SRD5A2: variants seen among roughly 807,000 people sequenced by gnomAD.
SRD5A2 encodes steroid 5 alpha-reductase 2, also known as 3-oxo-5-alpha-steroid 4-dehydrogenase 2.
A neutral mutation model predicts 27.4 loss-of-function variants in SRD5A2; 30 were observed. That is an observed-to-expected ratio of 1.10 (90% CI 0.82 to 1.49). The LOEUF is 1.49. Ranked by LOEUF, SRD5A2 falls within the 40% of genes most tolerant of loss-of-function variation. The probability of loss-of-function intolerance (pLI) is 0.00; values close to 1 mark genes in which losing one functional copy is unlikely to be tolerated. For missense variants in SRD5A2, 348 were observed against 323.4 expected (o/e 1.08, Z -0.58); for synonymous variants, 141 against 133.6 (o/e 1.06, Z -0.38).
chr2:31,650,496 C>T, the SRD5A2 span, among the ~76,000 whole-genome samples: 1 of 152,168 alleles, frequency 6.6e-6, no homozygotes, highest in South Asian at 2.1e-4. Flanking sequence ...ATCCTTTCCT[C>T]CTCTAGATAG....
the SRD5A2 span, among the ~76,000 whole-genome samples, chr2:31,600,038 G>A: frequency 6.6e-6 from 1 of 151,884 alleles, no homozygotes; most frequent in African/African-American, 2.4e-5. Context: ...ATGTGTTCAT[G>A]TGTTCTCATC....
At chr2:31,582,289 A>C (rs949795924), upstream of SRD5A2, among the ~76,000 whole-genome samples, 2 of 152,094 alleles carry the variant, frequency 1.3e-5, no homozygotes, top group Non-Finnish European at 2.9e-5. Flanking sequence ...AGCTGGTCCA[A>C]TGACAGACAC....
At chr2:31,580,981 G>T, upstream of SRD5A2, 1 of 1,438,282 alleles carries the variant, frequency 7.0e-7, no homozygotes. Flanking sequence ...AGCGCCAGAC[G>T]CCACCCGTGT....
chr2:31,608,086 C>A, the SRD5A2 span, among the ~76,000 whole-genome samples: 1 of 152,010 alleles, frequency 6.6e-6, no homozygotes, highest in African/African-American at 2.4e-5. Flanking sequence ...GCTGTTTAAG[C>A]TGACCAGCCT....
chr2:31,534,880 C>A (rs899734456), intron 1 of SRD5A2, among the ~76,000 whole-genome samples: 2 of 152,106 alleles, frequency 1.3e-5, no homozygotes, highest in African/African-American at 4.8e-5. Flanking sequence ...TTTTTTTTAC[C>A]TGGATCATAT....
At chr2:31,580,122 C>T (rs1011967121) in intron 1 of SRD5A2, among the ~76,000 whole-genome samples, 2 of 152,202 alleles carry the variant, frequency 1.3e-5, no homozygotes, top group African/African-American at 4.8e-5. Context: ...AACCTCTGAG[C>T]TGAGTTTCCC....
intron 1 of SRD5A2, among the ~76,000 whole-genome samples, chr2:31,570,153 G>C (rs1389286561): frequency 6.6e-6 from 1 of 151,930 alleles, no homozygotes; most frequent in Non-Finnish European, 1.5e-5. Context: ...AACTTAATCT[G>C]GTAGGACATC....
At chr2:31,541,552 C>T (rs1047448560) in intron 1 of SRD5A2, among the ~76,000 whole-genome samples, 3 of 152,194 alleles carry the variant, frequency 2.0e-5, no homozygotes, top group African/African-American at 7.2e-5. Context: ...AACAATGATC[C>T]CCACTGCAGA....
chr2:31,586,213 G>A, the SRD5A2 span, among the ~76,000 whole-genome samples: 4 of 151,590 alleles, frequency 2.6e-5, no homozygotes, highest in East Asian at 1.9e-4. Flanking sequence ...ACTTTCCCCC[G>A]AGTCCCCCCA....
chr2:31,535,654 C>T (rs887020859), intron 1 of SRD5A2, among the ~76,000 whole-genome samples: 3 of 152,176 alleles, frequency 2.0e-5, no homozygotes, highest in Non-Finnish European at 2.9e-5. Flanking sequence ...TCTACTATGT[C>T]GTCTGCAGAA....
At chr2:31,623,796 AGAGTTTTTAACAT>A in the SRD5A2 span, among the ~76,000 whole-genome samples, 1 of 152,056 alleles carries the variant, frequency 6.6e-6, no homozygotes, top group African/African-American at 2.4e-5. Flanking sequence ...TAGTTTAGTA[AGAGTTTTTAACAT>A]GAAGCAATGT....
In SRD5A2 at chr2:31,526,144, G is replaced by A; in HGVS notation, c.*52C>T. Reference sequence around the variant, plus strand: ...ATGAAAATTACAGTTTCAGCAGCTTGACAGTTTTCATCAGCATTGTGGGAG... The same window carrying A: ...ATGAAAATTACAGTTTCAGCAGCTTAACAGTTTTCATCAGCATTGTGGGAG... On this transcript the variant is annotated 3_prime_UTR_variant, in exon 5 of 5. Coordinates refer to ENST00000622030, the MANE Select transcript of SRD5A2 (RefSeq NM_000348.4). 8.7e-7 allele frequency: 1 copy of A among 1,152,386 alleles called. No homozygotes were observed. The highest frequency in any genetic ancestry group is 1.3e-6 in the Non-Finnish European group (1 of 792,024). 71.4% of individuals were successfully genotyped at this position (1,152,386 alleles called of 1,614,324 possible).
chr2:31,554,550 A>C (rs1558366646), intron 1 of SRD5A2, among the ~76,000 whole-genome samples: 1 of 152,184 alleles, frequency 6.6e-6, no homozygotes, highest in African/African-American at 2.4e-5. Context: ...ATCCTAAAAC[A>C]AATGTGGAAA....
At chr2:31,574,259 T>G (rs1216764972) in intron 1 of SRD5A2, among the ~76,000 whole-genome samples, 1 of 152,210 alleles carries the variant, frequency 6.6e-6, no homozygotes, top group Non-Finnish European at 1.5e-5. Flanking sequence ...CACTAGGTAT[T>G]GTACTCCTAT....
upstream of SRD5A2, chr2:31,580,965 T>G: frequency 6.6e-7 from 1 of 1,507,718 alleles, no homozygotes; most frequent in Non-Finnish European, 8.9e-7. Context: ...CGCAACCCCT[T>G]TATGGAGCGC....
At chr2:31,557,450 G>C (rs974303672) in intron 1 of SRD5A2, among the ~76,000 whole-genome samples, 4 of 152,284 alleles carry the variant, frequency 2.6e-5, no homozygotes, top group Non-Finnish European at 5.9e-5. Flanking sequence ...CTAGTAAAAG[G>C]CTTAACTCAG....
At chr2:31,595,275 T>C in the SRD5A2 span, among the ~76,000 whole-genome samples, 3 of 152,000 alleles carry the variant, frequency 2.0e-5, no homozygotes, top group African/African-American at 7.2e-5. Context: ...AGTTGATTCT[T>C]TGAAAAGATA....
the SRD5A2 span, among the ~76,000 whole-genome samples, chr2:31,604,195 G>T: frequency 4.0e-5 from 6 of 151,726 alleles, no homozygotes; most frequent in African/African-American, 1.4e-4. Flanking sequence ...GGGAAAAACT[G>T]AAGTCTTTCC....
At chr2:31,590,339 C>A in the SRD5A2 span, among the ~76,000 whole-genome samples, 1 of 152,146 alleles carries the variant, frequency 6.6e-6, no homozygotes, top group African/African-American at 2.4e-5. Flanking sequence ...TGTTTGTATC[C>A]TCTTTTATTT....
Sources: gnomAD v4.1 joint callset for allele counts (sites outside exome capture counted in the v4.1 genomes callset) on GRCh38, gnomAD v4.1.1 for gene constraint, MANE v1.5 for transcripts, NCBI Gene and HGNC (gene_info 2026-07-23, HGNC 2026-07-21) for gene names.